Variants in GIGYF2 observed in about 807,000 individuals in gnomAD.
GIGYF2 encodes GRB10 interacting GYF protein 2.
In GIGYF2, 25 loss-of-function variants were observed where a neutral mutation model predicts 208.1. The observed-to-expected ratio is 0.12, with a 90% CI of 0.09 to 0.17. The LOEUF (loss-of-function observed/expected upper bound fraction) is 0.17, where lower values mean the gene tolerates loss of function less well. Ranked by LOEUF, GIGYF2 falls within the 10% of genes least tolerant of loss-of-function variation. GIGYF2 has a pLI of 1.00. For missense variants in GIGYF2, 1,302 were observed against 1,579.4 expected, an observed-to-expected ratio of 0.82 and a Z score of 2.98; for synonymous variants, 534 against 543.8, an observed-to-expected ratio of 0.98 and a Z score of 0.25.
intron 14 of GIGYF2, among the ~76,000 whole-genome samples, chr2:232,799,590 C>T (rs1700331343): frequency 6.7e-6 from 1 of 150,300 alleles, no homozygotes; most frequent in African/African-American, 2.5e-5. Context: ...AATAATACTG[C>T]TTTGAACATG....
intron 3 of GIGYF2, among the ~76,000 whole-genome samples, chr2:232,740,885 A>G (rs1308096424): frequency 1.3e-5 from 2 of 152,198 alleles, no homozygotes. Context: ...GGAGTAGTAA[A>G]TTAGATGTTT....
At chr2:232,746,599 T>C (rs1698160141) in intron 3 of GIGYF2, among the ~76,000 whole-genome samples, 1 of 152,198 alleles carries the variant, frequency 6.6e-6, no homozygotes, top group South Asian at 2.1e-4. Flanking sequence ...CCCATAAAAA[T>C]ATATTATTTT....
chr2:232,749,170 A>T (rs1382227278), intron 5 of GIGYF2, 88 bp downstream of exon 5: 1 of 779,756 alleles, frequency 1.3e-6, no homozygotes, highest in Non-Finnish European at 2.4e-6. Flanking sequence ...TGCTCTAAGG[A>T]TTATCCTGCA....
chr2:232,825,923 C>G (rs544738841), intron 21 of GIGYF2, among the ~76,000 whole-genome samples: 1 of 137,070 alleles, frequency 7.3e-6, no homozygotes, highest in South Asian at 2.5e-4. Context: ...TCTCATTGTT[C>G]AACTCCCACC....
At chr2:232,735,934 C>A (rs1697716620) in intron 3 of GIGYF2, 1 of 983,878 alleles carries the variant, frequency 1.0e-6, no homozygotes, top group Non-Finnish European at 1.2e-6. Context: ...CCTCGGGCAA[C>A]CCCTTTGGTA....
At chr2:232,813,476 G>A (rs1246887807) in intron 18 of GIGYF2, among the ~76,000 whole-genome samples, 8 of 152,108 alleles carry the variant, frequency 5.3e-5, no homozygotes, top group Non-Finnish European at 1.2e-4. Flanking sequence ...CAAAGTGCTG[G>A]GATTACAGGT....
intron 14 of GIGYF2, among the ~76,000 whole-genome samples, chr2:232,802,975 C>T (rs572217379): frequency 2.6e-5 from 4 of 151,842 alleles, no homozygotes; most frequent in African/African-American, 9.7e-5. Flanking sequence ...TCTCAGCCCA[C>T]TGCAACCGCT....
chr2:232,823,058 A>T (rs533395457), intron 21 of GIGYF2, among the ~76,000 whole-genome samples: 2 of 152,290 alleles, frequency 1.3e-5, no homozygotes, highest in Admixed American at 6.5e-5. Flanking sequence ...CAATGAATAG[A>T]TACTGAGGTT....
At chr2:232,747,581 A>G in intron 3 of GIGYF2, 34 bp from the exon 4 acceptor site, 1 of 1,613,174 alleles carries the variant, frequency 6.2e-7, no homozygotes. Flanking sequence ...TAGCACCAGA[A>G]TGTTTGACAT....
At chr2:232,759,655 C>G (rs1216948965) in intron 6 of GIGYF2, among the ~76,000 whole-genome samples, 1 of 151,668 alleles carries the variant, frequency 6.6e-6, no homozygotes, top group African/African-American at 2.4e-5. Flanking sequence ...TGTAGCTAAT[C>G]CTTTATTGAT....
chr2:232,761,420 A>G lies in GIGYF2; in HGVS notation c.516A>G (p.Pro172=). Reference sequence around the variant, plus strand: ...GGGGTGACAGACGTTTTGAAAAACCAGGACGAAAAGATGTAGGTAAGGTTC... The same window carrying G: ...GGGGTGACAGACGTTTTGAAAAACCGGGACGAAAAGATGTAGGTAAGGTTC... The part of the protein sequence containing the change: ...EERGDRRFEK[P]GRKDVGRPNF... Residue 172 remains proline (P), a synonymous_variant, in exon 8 of 29, where the codon CCA becomes CCG. Coordinates refer to ENST00000373563, the MANE Select transcript of GIGYF2 (RefSeq NM_001103146.3). The G allele has an allele frequency of 6.2e-7, 1 of 1,604,048 alleles. No homozygotes were observed. Among genetic ancestry groups the G allele is most frequent in the Non-Finnish European group, 8.5e-7 (1 of 1,171,056 alleles).
chr2:232,751,438 C>G (rs1481869158), intron 5 of GIGYF2, among the ~76,000 whole-genome samples: 2 of 152,008 alleles, frequency 1.3e-5, no homozygotes, highest in Non-Finnish European at 2.9e-5. Context: ...TGGTCTCAAA[C>G]TTCCTGAGCT....
At position 232,832,988 on chromosome 2, in the gene GIGYF2, G is replaced by A. The variant is rs1461788649; in HGVS notation, c.2661G>A (p.Leu887=). 1 of 1,575,908 alleles carries A rather than the reference G, an allele frequency of 6.3e-7. No individual in the cohort carries two copies. Among genetic ancestry groups the A allele is most frequent in the Non-Finnish European group, 8.6e-7 (1 of 1,160,360 alleles). Residue 887 remains leucine (L), a synonymous_variant, in exon 22 of 29, where the codon CTG becomes CTA. Coordinates refer to ENST00000373563, the MANE Select transcript of GIGYF2 (RefSeq NM_001103146.3). ...HEEEERKRKE[L]EVQRQKELMR... ...AAGAAGAACGGAAGAGAAAGGAGCT[G>A]GAGGTCCAGCGGCAGAAGGAGTTAA...
chr2:232,767,763 A>G (rs1336724756), intron 8 of GIGYF2: 3 of 220,244 alleles, frequency 1.4e-5, no homozygotes, highest in African/African-American at 7.0e-5. Flanking sequence ...TTCACTAAGT[A>G]TAGTGAAGTC....
At chr2:232,704,891 G>T (rs58780419) in intron 2 of GIGYF2, among the ~76,000 whole-genome samples, 1 of 109,012 alleles carries the variant, frequency 9.2e-6, no homozygotes, top group Non-Finnish European at 1.7e-5. Context: ...ACAGAGTCTC[G>T]CTCTTTCGCC....
chr2:232,809,886 C>T (rs1681143517), intron 16 of GIGYF2, 75 bp downstream of exon 16: 1 of 879,198 alleles, frequency 1.1e-6, no homozygotes, highest in African/African-American at 1.6e-5. Context: ...TCAAGTCTCA[C>T]CTTTTACAGT....
intron 18 of GIGYF2, among the ~76,000 whole-genome samples, chr2:232,814,570 C>T (rs1435111507): frequency 1.6e-5 from 2 of 128,650 alleles, no homozygotes; most frequent in African/African-American, 2.8e-5. Flanking sequence ...CTCAAACCCC[C>T]CCCCCCCAAA....
Position 232,857,290 on chromosome 2 carries a change from C to A in GIGYF2, c.*430C>A, listed in dbSNP as rs1319123664. The A allele has an allele frequency of 2.2e-5, 6 of 274,302 alleles. No homozygotes were observed. The highest frequency in any genetic ancestry group is 3.6e-5 in the Non-Finnish European group (5 of 140,532). The allele number at this position is 274,302 out of a possible 1,614,324, so 17.0% of individuals were successfully genotyped here. On this transcript the variant is annotated 3_prime_UTR_variant, in exon 29 of 29. Transcript: ENST00000373563. ...GGGCAAATGGTCTAACTGGTGCAAT[C>A]ATGAAGAGAGTTAATGGTTAACAGA...
At chr2:232,822,092 A>C (rs1311349319) in intron 21 of GIGYF2, among the ~76,000 whole-genome samples, 4 of 152,028 alleles carry the variant, frequency 2.6e-5, no homozygotes, top group Non-Finnish European at 5.9e-5. Flanking sequence ...TTTATTCAAG[A>C]CTGCTTGACT....
Sources: allele counts gnomAD v4.1 joint callset (sites outside exome capture counted in the v4.1 genomes callset), GRCh38; gene constraint gnomAD v4.1.1; transcripts MANE v1.5; gene names NCBI Gene and HGNC (gene_info 2026-07-23, HGNC 2026-07-21).